The following BRD9 variants were observed in gnomAD, a reference collection of about 807,000 sequenced individuals.
The protein encoded by BRD9 is bromodomain containing 9.
A neutral mutation model predicts 68.7 loss-of-function variants in BRD9; 47 were observed. The observed-to-expected ratio is 0.68, with a 90% CI of 0.54 to 0.87. The LOEUF is 0.87. Ranked by LOEUF, BRD9 falls within the 40% of genes least tolerant of loss-of-function variation. BRD9 has a pLI of 0.00. For synonymous variants in BRD9, 313 were observed against 293.9 expected (o/e 1.06, Z -0.67); for missense variants, 670 against 748.4 (o/e 0.90, Z 1.22).
At chr5:872,192 T>C (rs1370328175) in intron 12 of BRD9, among the ~76,000 whole-genome samples, 1 of 152,254 alleles carries the variant, frequency 6.6e-6, no homozygotes, top group Non-Finnish European at 1.5e-5. Flanking sequence ...TGCTGTAGTA[T>C]ATGCACTCTA....
At chr5:885,360 C>T (rs1314690738) in intron 7 of BRD9, among the ~76,000 whole-genome samples, 3 of 152,232 alleles carry the variant, frequency 2.0e-5, no homozygotes, top group East Asian at 3.8e-4. Context: ...GTCTCAAGAC[C>T]ACTCTCCCTT....
At chr5:880,520 A>ATT in intron 9 of BRD9, among the ~76,000 whole-genome samples, 1 of 152,106 alleles carries the variant, frequency 6.6e-6, no homozygotes, top group South Asian at 2.1e-4. Flanking sequence ...CGAGGGAAGC[A>ATT]GGAATCTAGA....
At position 892,629 on chromosome 5, in the gene BRD9, G is replaced by T. The variant is rs958120720; in HGVS notation, c.29C>A (p.Ala10Asp). 1 of 1,510,674 alleles carries T rather than the reference G, an allele frequency of 6.6e-7. No homozygotes were observed. The highest frequency in any genetic ancestry group is 8.9e-7 in the Non-Finnish European group (1 of 1,129,640). The allele number at this position is 1,510,674 out of a possible 1,614,324, so 93.6% of individuals were successfully genotyped here. The part of the protein sequence containing the change: MGKKHKKHK[A>D]EWRSSYEDYA... ...ACCCTCGTAGGACGAGCGCCACTCG[G>T]CCTTGTGCTTCTTGTGCTTCTTGCC... Residue 10 changes from alanine (A) to aspartate (D), a missense_variant, in exon 1 of 16, where the codon GCC (alanine) becomes GAC (aspartate). Transcript: ENST00000467963.
intron 14 of BRD9, among the ~76,000 whole-genome samples, chr5:868,282 A>G (rs1749646308): frequency 6.6e-6 from 1 of 152,202 alleles, no homozygotes; most frequent in African/African-American, 2.4e-5. Context: ...TTCCTTCACC[A>G]ATGACCAGTC....
intron 6 of BRD9, chr5:886,998 G>C: frequency 1.9e-6 from 1 of 527,434 alleles, no homozygotes; most frequent in Admixed American, 3.4e-5. Flanking sequence ...CCTGGCTCAC[G>C]GCACAGATCT....
intron 7 of BRD9, 92 bp downstream of exon 7, chr5:886,500 T>TCTCA (rs995006799): frequency 6.7e-6 from 8 of 1,198,482 alleles, no homozygotes; most frequent in East Asian, 2.4e-5. Flanking sequence ...ACATCCGTTC[T>TCTCA]CTCACTCACT....
At position 892,722 on chromosome 5, in the gene BRD9, C is replaced by T. The variant is rs542129307; in HGVS notation, c.-65G>A. 3.5e-3 allele frequency: 4,521 copies of T among 1,274,136 alleles called. 113 individuals carry two copies. The African/African-American group carries it at 0.058, about 16-fold the overall frequency. The allele number at this position is 1,274,136 out of a possible 1,614,324, so 78.9% of individuals were successfully genotyped here. On this transcript the variant is annotated 5_prime_UTR_variant, in exon 1 of 16. Transcript: ENST00000467963. ...AGCTGGCACCCGGTCGGACCTTGGC[C>T]GCCACCGCCCCCTGGCCCTGGCTGG...
rs1225401750 is a variant in BRD9 at position 892,751 on chromosome 5, C to CCCGCGCTCGCTGCGCCGAGGTTG, written c.-117_-95dup. 2 of 1,177,506 alleles carry CCCGCGCTCGCTGCGCCGAGGTTG rather than the reference C, an allele frequency of 1.7e-6. No homozygotes were observed. Among genetic ancestry groups the CCCGCGCTCGCTGCGCCGAGGTTG allele is most frequent in the East Asian group, 3.4e-5 (1 of 29,324 alleles). The allele number at this position is 1,177,506 out of a possible 1,614,324, so 72.9% of individuals were successfully genotyped here. ...ACCGCCCCCTGGCCCTGGCTGGCCGCCCGCGCTCGCTGCGCCGAGGTTGCC... is the reference window on the plus strand; with the variant it reads ...ACCGCCCCCTGGCCCTGGCTGGCCGCCCGCGCTCGCTGCGCCGAGGTTGCCGCGCTCGCTGCGCCGAGGTTGCC... On this transcript the variant is annotated 5_prime_UTR_variant, in exon 1 of 16. Coordinates refer to ENST00000467963, the MANE Select transcript of BRD9 (RefSeq NM_023924.5).
chr5:874,118 T>C (rs1012943030), intron 12 of BRD9, among the ~76,000 whole-genome samples: 4 of 152,044 alleles, frequency 2.6e-5, no homozygotes, highest in Admixed American at 6.5e-5. Flanking sequence ...TTTTTTTATC[T>C]TTTTTTTGAG....
intron 12 of BRD9, 72 bp from the exon 13 acceptor site, chr5:871,636 TAC>T (rs1387837031): frequency 2.2e-6 from 3 of 1,386,338 alleles, no homozygotes; most frequent in Non-Finnish European, 3.1e-6. Context: ...TCGCTGACAT[TAC>T]ACACACGTAA....
intron 5 of BRD9, 124 bp downstream of exon 5, chr5:888,897 T>A (rs977113280): frequency 2.0e-6 from 2 of 1,017,980 alleles, no homozygotes; most frequent in East Asian, 5.3e-5. Flanking sequence ...TAAAACATCA[T>A]CCGAACACAG....
rs765910492 is a variant in BRD9, at chr5:889,599, C to T, written c.449G>A (p.Arg150His). The T allele has an allele frequency of 5.0e-6, 8 of 1,613,308 alleles. No individual in the cohort carries two copies. Among genetic ancestry groups the T allele is most frequent in the Non-Finnish European group, 6.8e-6 (8 of 1,179,658 alleles). Residue 150 changes from arginine (R) to histidine (H), a missense_variant, in exon 4 of 16, where the codon CGC becomes CAC. By Grantham distance (29) the Arg-to-His change is conservative (BLOSUM62 0). Coordinates refer to ENST00000467963, the MANE Select transcript of BRD9 (RefSeq NM_023924.5). ...PIQQLLEHFL[R>H]QLQRKDPHGF... ...CGCCCCGGTTTACCTCTGAAGCTGG[C>T]GGAGGAAGTGTTCCAGGAGTTGCTG...
At chr5:876,929 G>A (rs1171400470) in intron 11 of BRD9, among the ~76,000 whole-genome samples, 1 of 152,222 alleles carries the variant, frequency 6.6e-6, no homozygotes, top group Non-Finnish European at 1.5e-5. Flanking sequence ...CACGGAAGCA[G>A]CACTCAGGGG....
At chr5:872,525 C>T (rs2150566955) in intron 12 of BRD9, among the ~76,000 whole-genome samples, 1 of 152,308 alleles carries the variant, frequency 6.6e-6, no homozygotes, top group South Asian at 2.1e-4. Flanking sequence ...GGGGGGCCAG[C>T]TTCCTGCCTG....
At chr5:871,368 A>G (rs1750103292) in intron 13 of BRD9, among the ~76,000 whole-genome samples, 158 bp downstream of exon 13, 1 of 152,250 alleles carries the variant, frequency 6.6e-6, no homozygotes, top group Non-Finnish European at 1.5e-5. Context: ...ACCTCAAGTC[A>G]TGAAAAGAGG....
intron 3 of BRD9, chr5:890,107 G>A (rs1030015694): frequency 6.3e-6 from 2 of 315,210 alleles, no homozygotes; most frequent in African/African-American, 2.2e-5. Context: ...GAGGTGGGAG[G>A]ATCGCTTGAG....
chr5:878,289 A>G lies in BRD9; in HGVS notation c.1271+66T>C, dbSNP rs191162419. Reference sequence around the variant, plus strand: ...CCCACCCGCACACATGTGGGACTCCACGTCCCACACCAGGGCACAGCTCAA... The same window carrying G: ...CCCACCCGCACACATGTGGGACTCCGCGTCCCACACCAGGGCACAGCTCAA... On this transcript the variant is annotated intron_variant, in intron 11 of 15. Coordinates refer to ENST00000467963, the MANE Select transcript of BRD9 (RefSeq NM_023924.5). 2.0e-4 allele frequency: 321 copies of G among 1,572,282 alleles called. 1 individual carries two copies. The East Asian group carries it at 6.6e-3, about 32-fold the overall frequency.
intron 14 of BRD9, among the ~76,000 whole-genome samples, chr5:866,952 A>G (rs1749463495): frequency 6.6e-6 from 1 of 152,238 alleles, no homozygotes; most frequent in Admixed American, 6.5e-5. Context: ...CATTTGCGTA[A>G]GTAAAGAGGA....
intron 6 of BRD9, 75 bp from the exon 7 acceptor site, chr5:886,782 G>A (rs1752632811): frequency 6.2e-7 from 1 of 1,608,180 alleles, no homozygotes; most frequent in Non-Finnish European, 8.5e-7. Flanking sequence ...AATCAGAAAG[G>A]ACAGAGCAGC....
Sources: gnomAD v4.1 joint callset for allele counts (sites outside exome capture counted in the v4.1 genomes callset) on GRCh38, gnomAD v4.1.1 for gene constraint, MANE v1.5 for transcripts, NCBI Gene and HGNC (gene_info 2026-07-23, HGNC 2026-07-21) for gene names.